Variants in RYR1 observed in about 807,000 individuals in gnomAD.
RYR1 encodes ryanodine receptor 1.
In RYR1, 342 loss-of-function variants were observed where a neutral mutation model predicts 583.5. That is an observed-to-expected ratio of 0.59 (90% CI 0.54 to 0.64). The LOEUF (loss-of-function observed/expected upper bound fraction) is 0.64, where lower values mean the gene tolerates loss of function less well. Among genes scored for constraint, RYR1 ranks in the 30% least tolerant of loss-of-function variants. The pLI is 0.00. For missense variants in RYR1, 6,032 were observed against 6,917.2 expected, an observed-to-expected ratio of 0.87 and a Z score of 4.54; for synonymous variants, 2,791 against 2,822.5, an observed-to-expected ratio of 0.99 and a Z score of 0.35.
chr19:38,457,274 A>G (rs1967462495), intron 16 of RYR1, among the ~76,000 whole-genome samples: 1 of 151,246 alleles, frequency 6.6e-6, no homozygotes, highest in Admixed American at 6.6e-5. Context: ...CCTTATCCCA[A>G]CTCATGTGAC....
In RYR1 at chr19:38,475,177, G is replaced by T. The variant is rs1968652842; in HGVS notation, c.4161-141G>T. Reference sequence around the variant, plus strand: ...TCTAGAATGGATTAGTCTGGGGTAGGTGGGAATCCAGCCCTCTAGAGGCAA... The same window carrying T: ...TCTAGAATGGATTAGTCTGGGGTAGTTGGGAATCCAGCCCTCTAGAGGCAA... On this transcript the variant is annotated intron_variant, in intron 28 of 105. Transcript: ENST00000359596. The T allele has an allele frequency of 7.1e-6, 8 of 1,124,406 alleles. No homozygotes were observed. The South Asian group carries it at 7.3e-5, about 10-fold the overall frequency. The allele number at this position is 1,124,406 out of a possible 1,614,324, so 69.7% of individuals were successfully genotyped here.
intron 23 of RYR1, among the ~76,000 whole-genome samples, chr19:38,465,502 C>T (rs1002114957): frequency 5.3e-5 from 8 of 151,962 alleles, no homozygotes; most frequent in African/African-American, 1.5e-4. Flanking sequence ...CAGTCGCTCA[C>T]GCCTGTAATC....
At chr19:38,438,561 A>G (rs1225611377) in intron 1 of RYR1, among the ~76,000 whole-genome samples, 1 of 145,730 alleles carries the variant, frequency 6.9e-6, no homozygotes, top group Non-Finnish European at 1.5e-5. Context: ...GCTAATTTTT[A>G]ATTTTTAACT....
At chr19:38,564,878 C>A (rs933692686) in intron 90 of RYR1, 81 bp from the exon 91 acceptor site, 2 of 1,530,678 alleles carry the variant, frequency 1.3e-6, no homozygotes, top group Non-Finnish European at 1.8e-6. Flanking sequence ...GCGGTGACCC[C>A]TTGTAGCTGC....
chr19:38,485,928 C>G lies in RYR1; in HGVS notation c.5273C>G (p.Pro1758Arg). The G allele has an allele frequency of 6.2e-7, 1 of 1,613,736 alleles. No homozygotes were observed. ...PPGRSTENGH[P>R]RHGLPGVGVT... is the part of the protein sequence containing the mutation. ...GGAAGGAGCACAGAAAATGGTCACCCCCGGCATGGCCTGCCGGGAGTTGGA... is the reference window on the plus strand; with the variant it reads ...GGAAGGAGCACAGAAAATGGTCACCGCCGGCATGGCCTGCCGGGAGTTGGA... Residue 1758 changes from proline to arginine, a missense_variant, in exon 34 of 106, where the codon CCC becomes CGC. Pro to Arg is a moderately radical substitution (Grantham distance 103). Transcript: ENST00000359596.
intron 1 of RYR1, among the ~76,000 whole-genome samples, chr19:38,438,268 C>T (rs1288061844): frequency 6.6e-6 from 1 of 152,010 alleles, no homozygotes; most frequent in Non-Finnish European, 1.5e-5. Flanking sequence ...AAGCCACTCT[C>T]TTACATCAGC....
In RYR1 at chr19:38,444,517, C is replaced by T. The variant is rs922362501; in HGVS notation, c.538-67C>T. On this transcript the variant is annotated intron_variant, in intron 6 of 105. Coordinates refer to ENST00000359596, the MANE Select transcript of RYR1 (RefSeq NM_000540.3). This position sits in a 1 kb window ranked among gnomAD's most constrained non-coding sequence, Gnocchi z 5.1. ...CGGGTATCCACCCTTGATTTCTGGC[C>T]TCTGACGCTGGGACTCTCGCCCACC... 1.4e-6 allele frequency: 2 copies of T among 1,394,782 alleles called. No homozygotes were observed. Among genetic ancestry groups the T allele is most frequent in the Non-Finnish European group, 2.0e-6 (2 of 995,278 alleles). 86.4% of individuals were successfully genotyped at this position (1,394,782 alleles called of 1,614,324 possible). A position where few individuals can be genotyped will look rare whatever the true frequency, so the allele number is the denominator to read the frequency against.
chr19:38,521,502 A>C (rs114489216), intron 67 of RYR1, among the ~76,000 whole-genome samples: 2 of 151,730 alleles, frequency 1.3e-5, no homozygotes, highest in East Asian at 3.9e-4. Flanking sequence ...CCTGGGCAAC[A>C]TGCAAAAACC....
chr19:38,458,512 G>A (rs1228702945), intron 18 of RYR1, among the ~76,000 whole-genome samples: 1 of 152,180 alleles, frequency 6.6e-6, no homozygotes, highest in Non-Finnish European at 1.5e-5. Context: ...CCCAGAGTAG[G>A]TGTGACCTCT....
At chr19:38,527,863 G>A (rs1971542439) in intron 73 of RYR1, 79 bp downstream of exon 73, 1 of 1,551,486 alleles carries the variant, frequency 6.4e-7, no homozygotes, top group Non-Finnish European at 8.9e-7. Flanking sequence ...GGATGTGGGT[G>A]GGGTCTGGAG....
intron 38 of RYR1, 58 bp downstream of exon 38, chr19:38,492,694 C>T (rs568921344): frequency 1.2e-5 from 19 of 1,541,802 alleles, no homozygotes; most frequent in East Asian, 2.4e-5. Context: ...CCCATGCCTG[C>T]GGAGCCTCTG....
At chr19:38,448,570 C>T (rs1471321160) in intron 10 of RYR1, 59 bp downstream of exon 10, 3 of 1,613,974 alleles carry the variant, frequency 1.9e-6, no homozygotes, top group African/African-American at 2.7e-5. Flanking sequence ...GCCCAGCCTG[C>T]ACTCTGCAGT....
At chr19:38,582,437 G>A (rs2145904098) in intron 101 of RYR1, among the ~76,000 whole-genome samples, 1 of 151,408 alleles carries the variant, frequency 6.6e-6, no homozygotes, top group African/African-American at 2.4e-5. Context: ...CTAGTGCCTG[G>A]CACATCCTCA....
intron 11 of RYR1, among the ~76,000 whole-genome samples, chr19:38,449,624 C>A (rs1487599833): frequency 6.6e-6 from 1 of 152,234 alleles, no homozygotes; most frequent in Non-Finnish European, 1.5e-5. Flanking sequence ...CTGTTCCCTG[C>A]CCTCCCAGTG....
At chr19:38,576,892 GTT>G (rs1027188906) in intron 97 of RYR1, among the ~76,000 whole-genome samples, 2 of 151,784 alleles carry the variant, frequency 1.3e-5, no homozygotes, top group Non-Finnish European at 2.9e-5. Context: ...CTTTTCTTTT[GTT>G]TTTTTCTTTG....
intron 38 of RYR1, 58 bp downstream of exon 38, chr19:38,492,694 C>A (rs568921344): frequency 6.9e-5 from 106 of 1,541,680 alleles, no homozygotes; most frequent in Non-Finnish European, 9.0e-5. Flanking sequence ...CCCATGCCTG[C>A]GGAGCCTCTG....
In RYR1 at chr19:38,467,791, C is replaced by CTA; in HGVS notation, c.3362_3363dup (p.Val1122MetfsTer31). 3 of 1,614,140 alleles carry CTA rather than the reference C, an allele frequency of 1.9e-6. No individual in the cohort carries two copies. Among genetic ancestry groups the CTA allele is most frequent in the Non-Finnish European group, 2.5e-6 (3 of 1,180,040 alleles). On this transcript the variant is annotated frameshift_variant, in exon 25 of 106. Transcript: ENST00000359596. LOFTEE classifies it high-confidence loss of function. ...TAGAGCTGGGAGCTGACGAGCTGGCCTATGTCTTCAATGGGCACCGCGTGG... is the reference window on the plus strand; with the variant it reads ...TAGAGCTGGGAGCTGACGAGCTGGCCTATATGTCTTCAATGGGCACCGCGTGG...
intron 93 of RYR1, 120 bp downstream of exon 93, chr19:38,568,037 C>A: frequency 1.6e-6 from 2 of 1,232,318 alleles, no homozygotes; most frequent in Non-Finnish European, 2.3e-6. Context: ...CTAAGAAGAA[C>A]CCTAGCTGGG....
In RYR1 at chr19:38,532,533, A is replaced by T. The variant is rs1568546582; in HGVS notation, c.11185A>T (p.Met3729Leu). 6.2e-7 allele frequency: 1 copy of T among 1,614,130 alleles called. No homozygotes were observed. Among genetic ancestry groups the T allele is most frequent in the East Asian group, 2.2e-5 (1 of 44,874 alleles). The change falls in exon 77 of 106, where the codon ATG (methionine) becomes TTG (leucine). Residue 3729 changes from methionine (M) to leucine (L), a missense_variant. By Grantham distance (15) the Met-to-Leu change is conservative. Around this residue, in one of 11 missense-constraint regions of RYR1, gnomAD observed 1,493 missense variants for 1,715.5 expected, o/e 0.87. Transcript: ENST00000359596. ...DYLYMAYADIMAKSCHLEEGG... is the reference protein window; with the variant it reads ...DYLYMAYADILAKSCHLEEGG... ...CCTGTACATGGCCTATGCTGATATC[A>T]TGGCAAAGGTGAGGCCCTACCCCCC...
Sources: allele counts gnomAD v4.1 joint callset (sites outside exome capture counted in the v4.1 genomes callset), GRCh38; gene constraint gnomAD v4.1.1; regional missense constraint gnomAD v4.1.1; non-coding constraint Gnocchi (gnomAD v3.1); transcripts MANE v1.5; gene names NCBI Gene and HGNC (gene_info 2026-07-23, HGNC 2026-07-21).